Variants in LHFPL3 observed in about 807,000 individuals in gnomAD.
The protein encoded by LHFPL3 is LHFPL tetraspan subfamily member 3.
In LHFPL3, 5 loss-of-function variants were observed where a neutral mutation model predicts 19.3. The observed-to-expected ratio is 0.26, with a 90% CI of 0.14 to 0.54. The LOEUF is 0.54. LHFPL3 is among the 20% of genes least tolerant of loss of function. LHFPL3 has a pLI of 0.94. For synonymous variants in LHFPL3, 133 were observed against 126.2 expected, an observed-to-expected ratio of 1.05 and a Z score of -0.36; for missense variants, 249 against 307.4, an observed-to-expected ratio of 0.81 and a Z score of 1.42.
At chr7:104,430,734 C>T (rs966414901) in intron 1 of LHFPL3, among the ~76,000 whole-genome samples, 2 of 151,604 alleles carry the variant, frequency 1.3e-5, no homozygotes, top group Non-Finnish European at 2.9e-5. Flanking sequence ...TCCCAAAGTG[C>T]TGAGATTACA....
At chr7:104,820,700 C>T (rs1237038395) in intron 2 of LHFPL3, among the ~76,000 whole-genome samples, 2 of 152,156 alleles carry the variant, frequency 1.3e-5, no homozygotes, top group Non-Finnish European at 2.9e-5. Flanking sequence ...TCAGTCTGAC[C>T]TTCACTGCCT....
chr7:104,761,914 G>A (rs555501365), intron 2 of LHFPL3, among the ~76,000 whole-genome samples: 36 of 152,326 alleles, frequency 2.4e-4, no homozygotes, highest in African/African-American at 8.2e-4. Flanking sequence ...GGAGGAAGGT[G>A]AACAGATTTT....
chr7:104,722,249 C>T (rs961357990), intron 1 of LHFPL3, among the ~76,000 whole-genome samples: 3 of 152,116 alleles, frequency 2.0e-5, no homozygotes, highest in Non-Finnish European at 4.4e-5. Flanking sequence ...CAGCTGATAC[C>T]GCACAATGTG....
chr7:104,620,283 A>G (rs1239607825), intron 1 of LHFPL3, among the ~76,000 whole-genome samples: 1 of 152,326 alleles, frequency 6.6e-6, no homozygotes, highest in South Asian at 2.1e-4. Context: ...GAGGTCTAAC[A>G]GTGCTTTGGA....
chr7:104,340,480 C>G (rs73713097), intron 1 of LHFPL3, among the ~76,000 whole-genome samples: 1 of 152,132 alleles, frequency 6.6e-6, no homozygotes, highest in African/African-American at 2.4e-5. Context: ...ATAGTAAGCA[C>G]TCAAAAAAAT....
intron 2 of LHFPL3, among the ~76,000 whole-genome samples, chr7:104,862,824 C>A (rs949531903): frequency 6.6e-6 from 1 of 152,156 alleles, no homozygotes; most frequent in African/African-American, 2.4e-5. Flanking sequence ...ATTCATTCCA[C>A]GGGAGAGTCA....
chr7:104,426,817 A>G (rs1791856605), intron 1 of LHFPL3, among the ~76,000 whole-genome samples: 2 of 152,190 alleles, frequency 1.3e-5, no homozygotes, highest in South Asian at 4.1e-4. Context: ...TGTATGTCTT[A>G]GGATTTAATT....
At chr7:104,502,899 T>C (rs1793628140) in intron 1 of LHFPL3, among the ~76,000 whole-genome samples, 1 of 152,200 alleles carries the variant, frequency 6.6e-6, no homozygotes. Context: ...CTCAGTAATA[T>C]CTGGGTTCTC....
At chr7:104,354,728 A>G (rs1173154462) in intron 1 of LHFPL3, among the ~76,000 whole-genome samples, 5 of 152,170 alleles carry the variant, frequency 3.3e-5, no homozygotes. Flanking sequence ...GACCCTGACC[A>G]TCTCTCTAGA....
At chr7:104,723,179 C>T (rs567632397) in intron 1 of LHFPL3, among the ~76,000 whole-genome samples, 1 of 152,330 alleles carries the variant, frequency 6.6e-6, no homozygotes, top group African/African-American at 2.4e-5. Context: ...TGGGGAACCA[C>T]TAGCCATTTG....
At chr7:104,401,979 C>T (rs1471510819) in intron 1 of LHFPL3, among the ~76,000 whole-genome samples, 1 of 151,662 alleles carries the variant, frequency 6.6e-6, no homozygotes, top group African/African-American at 2.4e-5. Context: ...AAATGACTCA[C>T]AGGAGTCATA....
rs201370506 is a variant in LHFPL3, at chr7:104,395,206, CT to C, written c.445+65987del. On this transcript the variant is annotated intron_variant, in intron 1 of 2. Coordinates refer to ENST00000424859, the MANE Select transcript of LHFPL3 (RefSeq NM_199000.3). Reference sequence around the variant, plus strand: ...AGATAGCTTACTAATTAACAAGGCTCTTTTTAACACAATTAACAAACAAGGA... The same window carrying C: ...AGATAGCTTACTAATTAACAAGGCTCTTTTAACACAATTAACAAACAAGGA... 7.2e-4 allele frequency among the ~76,000 whole-genome samples: 110 copies of C among 152,228 alleles called. 1 individual carries two copies. The East Asian group carries it at 0.02, about 27-fold the overall frequency.
chr7:104,732,308 G>C (rs1294556086), intron 1 of LHFPL3, among the ~76,000 whole-genome samples: 1 of 152,070 alleles, frequency 6.6e-6, no homozygotes, highest in Non-Finnish European at 1.5e-5. Flanking sequence ...GGTACCAGCT[G>C]CTCCTTGTAC....
chr7:104,587,028 C>T (rs1458540641), intron 1 of LHFPL3, among the ~76,000 whole-genome samples: 3 of 152,104 alleles, frequency 2.0e-5, no homozygotes, highest in Non-Finnish European at 1.5e-5. Context: ...AAATTGCTCC[C>T]ATTGTGATGC....
intron 2 of LHFPL3, among the ~76,000 whole-genome samples, chr7:104,900,260 C>T (rs1792456838): frequency 6.6e-6 from 1 of 152,204 alleles, no homozygotes; most frequent in East Asian, 1.9e-4. Context: ...GTAATTGTGC[C>T]TGTTTTCTTG....
chr7:104,886,814 C>G (rs1472039577), intron 2 of LHFPL3, among the ~76,000 whole-genome samples: 3 of 152,218 alleles, frequency 2.0e-5, no homozygotes, highest in Non-Finnish European at 2.9e-5. Flanking sequence ...GGAAGCTTTT[C>G]TATTGCAAAA....
chr7:104,369,126 T>G (rs559272494), intron 1 of LHFPL3, among the ~76,000 whole-genome samples: 1 of 152,312 alleles, frequency 6.6e-6, no homozygotes, highest in East Asian at 1.9e-4. Flanking sequence ...TTAGTAAATT[T>G]ATAGAGTTGT....
chr7:104,416,662 T>C (rs1791628719), intron 1 of LHFPL3, among the ~76,000 whole-genome samples: 1 of 152,248 alleles, frequency 6.6e-6, no homozygotes, highest in South Asian at 2.1e-4. Context: ...CATGCTCAGA[T>C]GCTGGGCAAC....
At chr7:104,503,169 A>T (rs936272881) in intron 1 of LHFPL3, among the ~76,000 whole-genome samples, 3 of 152,120 alleles carry the variant, frequency 2.0e-5, no homozygotes, top group African/African-American at 7.2e-5. Flanking sequence ...AATAATATTA[A>T]GCTTTATAAG....
Sources: allele counts gnomAD v4.1 joint callset (sites outside exome capture counted in the v4.1 genomes callset), GRCh38; gene constraint gnomAD v4.1.1; transcripts MANE v1.5; gene names NCBI Gene and HGNC (gene_info 2026-07-23, HGNC 2026-07-21).